Variants in FANCB observed in about 807,000 individuals in gnomAD.
FANCB encodes the protein Fanconi anemia group B protein.
In FANCB, 5 loss-of-function variants were observed where a neutral mutation model predicts 38.9. That is an observed-to-expected ratio of 0.13 (90% CI 0.07 to 0.27). The LOEUF (loss-of-function observed/expected upper bound fraction) is 0.27. FANCB is among the 10% of genes least tolerant of loss of function. The pLI, the probability that FANCB is intolerant of heterozygous loss-of-function variation, is 1.00. For synonymous variants in FANCB, 236 were observed against 215.4 expected (o/e 1.10, Z -0.84); for missense variants, 573 against 602.7 (o/e 0.95, Z 0.52).
At chrX:14,797,495 A>G in the FANCB span, among the ~76,000 whole-genome samples, 1 of 110,733 alleles carries the variant, frequency 9.0e-6, no homozygotes, top group Non-Finnish European at 1.9e-5. Context: ...CAGCCTGGCC[A>G]ACATGATGAA....
the FANCB span, among the ~76,000 whole-genome samples, chrX:14,793,307 A>C: frequency 5.3e-5 from 6 of 112,495 alleles, no homozygotes; most frequent in African/African-American, 1.9e-4. Flanking sequence ...CAATTATAAA[A>C]GACCAGATAT....
At chrX:14,761,980 T>A in the FANCB span, among the ~76,000 whole-genome samples, 1 of 111,703 alleles carries the variant, frequency 9.0e-6, no homozygotes. Context: ...TTTCTGCTGC[T>A]ATAATGAAAT....
At chrX:14,758,247 C>A in the FANCB span, among the ~76,000 whole-genome samples, 1 of 111,269 alleles carries the variant, frequency 9.0e-6, no homozygotes, top group East Asian at 2.8e-4. Flanking sequence ...CTCAGACAAG[C>A]CTAACCTTTC....
At chrX:14,786,868 C>A in the FANCB span, among the ~76,000 whole-genome samples, 1 of 111,744 alleles carries the variant, frequency 8.9e-6, no homozygotes, top group African/African-American at 3.3e-5. Context: ...CCAGAAGAAT[C>A]TGTCTATAAT....
chrX:14,869,821 T>G (rs963820126), intron 1 of FANCB, among the ~76,000 whole-genome samples: 4 of 112,169 alleles, frequency 3.6e-5, no homozygotes, highest in Admixed American at 1.9e-4. Context: ...CAAAACTCTG[T>G]TGTATAATCC....
intron 9 of FANCB, 91 bp downstream of exon 9, chrX:14,844,412 C>T: frequency 9.0e-6 from 6 of 666,513 alleles, no homozygotes; most frequent in Non-Finnish European, 1.5e-5. Flanking sequence ...GGCAATAATA[C>T]AAAACACATG....
chrX:14,783,873 C>T, the FANCB span, among the ~76,000 whole-genome samples: 1 of 112,472 alleles, frequency 8.9e-6, no homozygotes, highest in African/African-American at 3.2e-5. Context: ...TATTCGTTTC[C>T]CATTGTTGCT....
At chrX:14,807,010 G>A in the FANCB span, among the ~76,000 whole-genome samples, 1 of 111,556 alleles carries the variant, frequency 9.0e-6, no homozygotes, top group East Asian at 2.8e-4. Context: ...AAGAGAGAGA[G>A]GGAAGTGTGT....
chrX:14,786,964 T>G, the FANCB span, among the ~76,000 whole-genome samples: 1 of 111,332 alleles, frequency 9.0e-6, no homozygotes, highest in Non-Finnish European at 1.9e-5. Flanking sequence ...AACTTTCCAG[T>G]GAAGAAAATG....
chrX:14,839,486 T>C (rs956394111), downstream of FANCB, among the ~76,000 whole-genome samples: 1 of 111,421 alleles, frequency 9.0e-6, no homozygotes, highest in African/African-American at 3.3e-5. Flanking sequence ...CCAATGAGGA[T>C]GGCATAATAA....
chrX:14,691,911 A>G, the FANCB span, among the ~76,000 whole-genome samples: 2 of 112,580 alleles, frequency 1.8e-5, no homozygotes, highest in African/African-American at 6.5e-5. Context: ...AAAATATTTG[A>G]TAAATTAATC....
chrX:14,730,341 T>C, the FANCB span: 1 of 1,210,940 alleles, frequency 8.3e-7, no homozygotes, highest in Non-Finnish European at 1.1e-6. Context: ...AAGATGGAGA[T>C]GCTATCAAGA....
At chrX:14,708,653 C>T in the FANCB span, among the ~76,000 whole-genome samples, 1 of 111,771 alleles carries the variant, frequency 8.9e-6, no homozygotes, top group Non-Finnish European at 1.9e-5. Flanking sequence ...AGAGAGACAT[C>T]AGGCCAGGCG....
the FANCB span, among the ~76,000 whole-genome samples, chrX:14,818,462 T>C: frequency 9.1e-6 from 1 of 109,554 alleles, no homozygotes; most frequent in Non-Finnish European, 1.9e-5. Flanking sequence ...TGGATCATGT[T>C]CCAAAACATT....
At chrX:14,817,850 G>A in the FANCB span, among the ~76,000 whole-genome samples, 7 of 111,692 alleles carry the variant, frequency 6.3e-5, no homozygotes, top group South Asian at 3.8e-4. Context: ...AGTCAGTTCC[G>A]GAAAGATGAA....
the FANCB span, among the ~76,000 whole-genome samples, chrX:14,746,656 T>C: frequency 8.9e-6 from 1 of 111,917 alleles, no homozygotes; most frequent in African/African-American, 3.2e-5. Context: ...AGTGAAAATT[T>C]GTCAAAAATC....
the FANCB span, among the ~76,000 whole-genome samples, chrX:14,808,081 C>A: frequency 2.4e-3 from 268 of 111,730 alleles, 1 homozygote; most frequent in Non-Finnish European, 4.5e-3. Context: ...TAAAAAGTCT[C>A]CCAGTAAAGA....
the FANCB span, among the ~76,000 whole-genome samples, chrX:14,819,662 A>G: frequency 1.0e-3 from 115 of 112,194 alleles, no homozygotes; most frequent in African/African-American, 3.7e-3. Context: ...TATTATAACC[A>G]AAGGAGTGAA....
rs747802088 is a variant in FANCB, at chrX:14,846,419, C to G, written c.1497-1133G>C. Among the ~76,000 whole-genome samples the G allele has an allele frequency of 5.4e-5, 6 of 111,849 alleles. No individual in the cohort carries two copies. The South Asian group carries it at 2.2e-3, about 41-fold the overall frequency. ...CACTCAAATTCTGATTTCTAAATTA[C>G]AAACTATACTTGAGGGTCTAACTAA... On this transcript the variant is annotated intron_variant, in intron 7 of 9. Coordinates refer to ENST00000650831, the MANE Select transcript of FANCB (RefSeq NM_001018113.3).
Sources: gnomAD v4.1 joint callset for allele counts (sites outside exome capture counted in the v4.1 genomes callset) on GRCh38, gnomAD v4.1.1 for gene constraint, MANE v1.5 for transcripts, NCBI Gene and HGNC (gene_info 2026-07-23, HGNC 2026-07-21) for gene names.